The following CABIN1 variants were observed in gnomAD, a reference collection of about 807,000 sequenced individuals.
CABIN1 encodes calcineurin-binding protein cabin-1.
In CABIN1, 133 loss-of-function variants were observed where a neutral mutation model predicts 227.7. The ratio of observed to expected loss-of-function variants is 0.58; its 90% CI spans 0.51 to 0.67. CABIN1 has a LOEUF of 0.67. Ranked by LOEUF, CABIN1 falls within the 30% of genes least tolerant of loss-of-function variation. The probability of loss-of-function intolerance (pLI) is 0.00; values close to 1 mark genes in which losing one functional copy is unlikely to be tolerated. For synonymous variants in CABIN1, 1,086 were observed against 1,155.1 expected (o/e 0.94, Z 1.21); for missense variants, 2,408 against 2,852.5 (o/e 0.84, Z 3.55).
At chr22:24,051,271 G>A (rs1046291730) in intron 8 of CABIN1, among the ~76,000 whole-genome samples, 7 of 152,124 alleles carry the variant, frequency 4.6e-5, no homozygotes, top group African/African-American at 1.7e-4. Flanking sequence ...TCTAGAGGGC[G>A]AATGGAAACT....
In CABIN1 at chr22:24,067,254, G is replaced by T. The variant is rs1387932135; in HGVS notation, c.2232+73G>T. 5.4e-6 allele frequency: 8 copies of T among 1,479,622 alleles called. 1 individual carries two copies. The South Asian group carries it at 8.1e-5, about 15-fold the overall frequency. 91.7% of individuals were successfully genotyped at this position (1,479,622 alleles called of 1,614,324 possible). ...GCTTGTTTGTGTTTATTCTCTGGAG[G>T]TTCTGCGGTAGTTCTTAAGAATGTA... On this transcript the variant is annotated intron_variant, in intron 16 of 36. Coordinates refer to ENST00000263119, the MANE Select transcript of CABIN1 (RefSeq NM_012295.4).
intron 29 of CABIN1, among the ~76,000 whole-genome samples, chr22:24,153,193 CA>C (rs1317217759): frequency 6.6e-6 from 1 of 152,166 alleles, no homozygotes; most frequent in Admixed American, 6.5e-5. Flanking sequence ...CATATATTTC[CA>C]AGGAGGGTGT....
intron 33 of CABIN1, among the ~76,000 whole-genome samples, chr22:24,169,499 G>T (rs1330112762): frequency 6.6e-6 from 1 of 152,194 alleles, no homozygotes; most frequent in Admixed American, 6.5e-5. Flanking sequence ...CAGGCTGTGG[G>T]CCAGACGAGG....
chr22:24,164,469 A>G lies in CABIN1; in HGVS notation c.4816A>G (p.Ile1606Val), dbSNP rs1246982697. 2 of 1,606,120 alleles carry G rather than the reference A, an allele frequency of 1.2e-6. No homozygotes were observed. Among genetic ancestry groups the G allele is most frequent in the East Asian group, 4.5e-5 (2 of 44,878 alleles). The change falls in exon 30 of 37, where the codon ATC becomes GTC. Residue 1606 changes from isoleucine (I) to valine (V), a missense_variant. Transcript: ENST00000263119. ...CTTTGCCTGGCACATGAACCGCTCC[A>G]TCGTGCTGCTGCTCAAGGTGCTGGC... ...GSFAWHMNRS[I>V]VLLLKVLAQL...
chr22:24,035,703 G>A (rs927806818), intron 2 of CABIN1, among the ~76,000 whole-genome samples, 183 bp downstream of exon 2: 1 of 152,028 alleles, frequency 6.6e-6, no homozygotes, highest in African/African-American at 2.4e-5. Flanking sequence ...GAAGCGGCTT[G>A]CAGGACCTTG....
intron 29 of CABIN1, among the ~76,000 whole-genome samples, chr22:24,155,542 C>T (rs1363309314): frequency 6.6e-6 from 1 of 152,078 alleles, no homozygotes; most frequent in African/African-American, 2.4e-5. Flanking sequence ...CTTTTTTGCC[C>T]TCCGCCCTGA....
chr22:24,144,956 C>A (rs1272161232), intron 29 of CABIN1, among the ~76,000 whole-genome samples: 1 of 152,258 alleles, frequency 6.6e-6, no homozygotes, highest in Non-Finnish European at 1.5e-5. Flanking sequence ...GGCCCCATCA[C>A]CTAAGTGAGC....
intron 1 of CABIN1, among the ~76,000 whole-genome samples, chr22:24,014,364 G>A (rs139217344): frequency 2.6e-5 from 4 of 151,482 alleles, no homozygotes; most frequent in Admixed American, 2.0e-4. Flanking sequence ...TCCAGCATTG[G>A]CTATTTAGTT....
intron 24 of CABIN1, 110 bp from the exon 25 acceptor site, chr22:24,095,820 TG>T: frequency 1.8e-6 from 2 of 1,129,618 alleles, no homozygotes; most frequent in African/African-American, 1.5e-5. Context: ...AAGCAGTGTG[TG>T]GCAGCCTGTT....
chr22:24,151,492 C>T (rs1482225012), intron 29 of CABIN1, among the ~76,000 whole-genome samples: 1 of 152,128 alleles, frequency 6.6e-6, no homozygotes, highest in Non-Finnish European at 1.5e-5. Context: ...TCAGATGTGG[C>T]TTTTCTAAGA....
rs753731842 is a variant in CABIN1, at chr22:24,070,928, G to A, written c.2361G>A (p.Val787=). 1 of 1,614,232 alleles carries A rather than the reference G, an allele frequency of 6.2e-7. No individual in the cohort carries two copies. Among genetic ancestry groups the A allele is most frequent in the Non-Finnish European group, 8.5e-7 (1 of 1,180,046 alleles). The part of the protein sequence containing the change: ...AAAKEEWVAT[V]TQLLMGIEQA... ...CCAAGGAGGAGTGGGTGGCCACAGT[G>A]ACCCAACTGCTGATGGGCATCGAGC... Residue 787 remains valine, a synonymous_variant, in exon 17 of 37, where the codon GTG becomes GTA. Transcript: ENST00000263119.
intron 19 of CABIN1, among the ~76,000 whole-genome samples, chr22:24,081,703 T>C (rs1332569112): frequency 1.3e-5 from 2 of 152,112 alleles, no homozygotes; most frequent in Non-Finnish European, 2.9e-5. Context: ...TATTCACTCT[T>C]TTTTTTTCTT....
At chr22:24,026,043 C>T (rs2036065089) in intron 1 of CABIN1, among the ~76,000 whole-genome samples, 1 of 152,130 alleles carries the variant, frequency 6.6e-6, no homozygotes, top group African/African-American at 2.4e-5. Flanking sequence ...CACTATGTTG[C>T]CCAGGCTGGT....
intron 34 of CABIN1, among the ~76,000 whole-genome samples, chr22:24,174,483 T>C (rs2046997273): frequency 6.6e-6 from 1 of 152,240 alleles, no homozygotes; most frequent in African/African-American, 2.4e-5. Flanking sequence ...CCGTAATCAG[T>C]TGGTCAGTGT....
At chr22:24,147,599 C>T (rs1354854075) in intron 29 of CABIN1, among the ~76,000 whole-genome samples, 2 of 151,686 alleles carry the variant, frequency 1.3e-5, no homozygotes, top group Non-Finnish European at 2.9e-5. Flanking sequence ...CAGATGTGCC[C>T]CACCACACCC....
At position 24,084,753 on chromosome 22, in the gene CABIN1, GTC is replaced by G; in HGVS notation, c.3089_3090del (p.Ser1030CysfsTer4). The G allele has an allele frequency of 6.2e-7, 1 of 1,614,234 alleles. No individual in the cohort carries two copies. Among genetic ancestry groups the G allele is most frequent in the Non-Finnish European group, 8.5e-7 (1 of 1,180,044 alleles). On this transcript the variant is annotated frameshift_variant, in exon 21 of 37. Coordinates refer to ENST00000263119, the MANE Select transcript of CABIN1 (RefSeq NM_012295.4). LOFTEE classifies it high-confidence loss of function. ...GAGGCCAGCCCTTAGCCTGGACAAA[GTC>G]TCTGCCTACATTGAGGGAACTTCAA... ...TERPALSLDK[V>X]SAYIEGTSTE...
At chr22:24,107,450 C>A (rs2042577787) in intron 26 of CABIN1, among the ~76,000 whole-genome samples, 1 of 152,136 alleles carries the variant, frequency 6.6e-6, no homozygotes, top group Admixed American at 6.5e-5. Context: ...GCCTTTTGTC[C>A]CTGCCAGGTC....
chr22:24,151,550 CAA>C (rs2045484157), intron 29 of CABIN1, among the ~76,000 whole-genome samples: 1 of 152,082 alleles, frequency 6.6e-6, no homozygotes, highest in Non-Finnish European at 1.5e-5. Flanking sequence ...AGCAGTCTTC[CAA>C]AGAGTGGGCT....
Position 24,051,499 on chromosome 22 carries a change from G to A in CABIN1, c.806+525G>A, listed in dbSNP as rs531608610. 8.5e-4 allele frequency among the ~76,000 whole-genome samples: 129 copies of A among 152,250 alleles called. 4 individuals are homozygous for A. The South Asian group carries it at 0.026, about 31-fold the overall frequency. On this transcript the variant is annotated intron_variant, in intron 8 of 36. Coordinates refer to ENST00000263119, the MANE Select transcript of CABIN1 (RefSeq NM_012295.4). ...CCAGGAAGGGCAAATTGGTATCGGC[G>A]GTTCCCTGGAGTTGGGATAGTTTAG...
Sources: gnomAD v4.1 joint callset for allele counts (sites outside exome capture counted in the v4.1 genomes callset) on GRCh38, gnomAD v4.1.1 for gene constraint, MANE v1.5 for transcripts, NCBI Gene and HGNC (gene_info 2026-07-23, HGNC 2026-07-21) for gene names.